ADAMTS20: variants seen among roughly 807,000 people sequenced by gnomAD.
ADAMTS20 encodes A disintegrin and metalloproteinase with thrombospondin motifs 20.
Under a neutral mutation model 260.1 loss-of-function variants are expected in ADAMTS20, and 225 were observed. The ratio of observed to expected loss-of-function variants is 0.87; its 90% CI spans 0.78 to 0.97. ADAMTS20 has a LOEUF of 0.97. ADAMTS20 is among the 50% of genes least tolerant of loss of function. The pLI is 0.00. For missense variants in ADAMTS20, 2,400 were observed against 2,337.7 expected, an observed-to-expected ratio of 1.03 and a Z score of -0.55; for synonymous variants, 802 against 769.5, an observed-to-expected ratio of 1.04 and a Z score of -0.70.
chr12:43,405,229 CAAAAAAA>C (rs869040570), intron 28 of ADAMTS20, among the ~76,000 whole-genome samples: 1,271 of 52,454 alleles, frequency 0.024, 2 homozygotes, highest in East Asian at 0.072. Context: ...CTCATCTCTA[CAAAAAAA>C]AAAAAAAAAA....
chr12:43,387,795 C>A (rs1429260963), intron 29 of ADAMTS20, among the ~76,000 whole-genome samples: 1 of 152,174 alleles, frequency 6.6e-6, no homozygotes, highest in African/African-American at 2.4e-5. Flanking sequence ...TGGGCTCCAT[C>A]CTATTTGAAC....
intron 2 of ADAMTS20, among the ~76,000 whole-genome samples, chr12:43,534,323 G>A (rs957928459): frequency 3.3e-5 from 5 of 152,006 alleles, no homozygotes; most frequent in African/African-American, 9.7e-5. Context: ...CGAAGGACAT[G>A]AGCAGACACT....
chr12:43,465,614 C>T (rs917819386), intron 9 of ADAMTS20, among the ~76,000 whole-genome samples: 2 of 151,822 alleles, frequency 1.3e-5, no homozygotes. Flanking sequence ...TATAAATTTT[C>T]CAATTAAATG....
intron 29 of ADAMTS20, among the ~76,000 whole-genome samples, chr12:43,390,761 G>C (rs1381294483): frequency 6.6e-6 from 1 of 152,064 alleles, no homozygotes; most frequent in African/African-American, 2.4e-5. Flanking sequence ...AACTACTTAG[G>C]TATTCTCAAA....
chr12:43,404,478 G>A (rs1940874776), intron 28 of ADAMTS20, among the ~76,000 whole-genome samples: 1 of 151,708 alleles, frequency 6.6e-6, no homozygotes. Context: ...CCCTCAGCTG[G>A]CTATTTGAAA....
At chr12:43,490,907 T>A (rs554662788) in intron 6 of ADAMTS20, among the ~76,000 whole-genome samples, 1 of 152,152 alleles carries the variant, frequency 6.6e-6, no homozygotes, top group African/African-American at 2.4e-5. Flanking sequence ...CACCTCTTTC[T>A]CATAGCCCTT....
chr12:43,391,860 A>C (rs893431456), intron 29 of ADAMTS20, among the ~76,000 whole-genome samples: 1 of 152,156 alleles, frequency 6.6e-6, no homozygotes, highest in African/African-American at 2.4e-5. Flanking sequence ...TCCTCTCATA[A>C]ACTGTGTCAA....
At chr12:43,380,816 G>A (rs1004993912) in intron 31 of ADAMTS20, among the ~76,000 whole-genome samples, 1 of 152,088 alleles carries the variant, frequency 6.6e-6, no homozygotes, top group Non-Finnish European at 1.5e-5. Flanking sequence ...TATCTACCAA[G>A]TTGAACAAGA....
chr12:43,400,325 CAT>C (rs1940784890), intron 28 of ADAMTS20, among the ~76,000 whole-genome samples: 1 of 151,984 alleles, frequency 6.6e-6, no homozygotes, highest in South Asian at 2.1e-4. Context: ...ATTGTGAACT[CAT>C]AGAATATTAG....
At chr12:43,441,360 T>C (rs1023559550) in intron 16 of ADAMTS20, among the ~76,000 whole-genome samples, 5 of 151,780 alleles carry the variant, frequency 3.3e-5, no homozygotes, top group Non-Finnish European at 7.4e-5. Context: ...GACAATTATA[T>C]AGTATGTATT....
chr12:43,492,156 G>A (rs530426566), intron 6 of ADAMTS20, among the ~76,000 whole-genome samples: 201 of 152,230 alleles, frequency 1.3e-3, no homozygotes, highest in African/African-American at 4.6e-3. Context: ...CGAGGTGGGT[G>A]GATCACGAGG....
chr12:43,520,421 A>T lies in ADAMTS20; in HGVS notation c.613+11615T>A, dbSNP rs1475972774. On this transcript the variant is annotated intron_variant, in intron 3 of 38. Transcript: ENST00000389420. Reference sequence around the variant, plus strand: ...AAATGCTTAACTTAGGAGATGGGAAACCAGTAACAACCAAGAAGGGAAGTG... The same window carrying T: ...AAATGCTTAACTTAGGAGATGGGAATCCAGTAACAACCAAGAAGGGAAGTG... Among the ~76,000 whole-genome samples, 3 of 152,174 alleles carry T rather than the reference A, an allele frequency of 2.0e-5. No individual in the cohort carries two copies. In the East Asian group the frequency reaches 5.8e-4, roughly 29 times the overall value.
chr12:43,388,193 A>G (rs1480144005), intron 29 of ADAMTS20, among the ~76,000 whole-genome samples: 1 of 152,084 alleles, frequency 6.6e-6, no homozygotes, highest in African/African-American at 2.4e-5. Flanking sequence ...GGTGGGTTGC[A>G]AAGACCAGGG....
At chr12:43,435,824 G>A (rs1941544202) in intron 18 of ADAMTS20, among the ~76,000 whole-genome samples, 2 of 151,950 alleles carry the variant, frequency 1.3e-5, no homozygotes, top group Non-Finnish European at 1.5e-5. Flanking sequence ...TGGTTTGCAT[G>A]CAGGATAACT....
At position 43,430,444 on chromosome 12, in the gene ADAMTS20, G is replaced by A; in HGVS notation, c.3289C>T (p.Gln1097Ter). The change falls in exon 23 of 39, where the codon CAG (glutamine) becomes TAG (stop). Residue 1097 changes from glutamine (Q) to a stop codon, truncating the protein, a stop_gained. Transcript: ENST00000389420. LOFTEE classifies it high-confidence loss of function. ...PCTTTCGHGYQMRDVKCVNEL... is the reference protein window; with the variant it reads ...PCTTTCGHGY ...TTGACACATTTAACATCTCGCATCT[G>A]ATACCCATGTCCACATGTGGTTGTG... 6.2e-7 allele frequency: 1 copy of A among 1,612,680 alleles called. No homozygotes were observed. Among genetic ancestry groups the A allele is most frequent in the South Asian group, 1.1e-5 (1 of 90,934 alleles).
At chr12:43,356,462 T>A in intron 38 of ADAMTS20, 22 bp downstream of exon 38, 5 of 1,511,518 alleles carry the variant, frequency 3.3e-6, no homozygotes, top group Non-Finnish European at 4.5e-6. Flanking sequence ...TCAAACAGGC[T>A]TTTTGGTCCC....
intron 29 of ADAMTS20, among the ~76,000 whole-genome samples, chr12:43,387,187 T>C (rs890894984): frequency 6.6e-6 from 1 of 152,188 alleles, no homozygotes; most frequent in African/African-American, 2.4e-5. Flanking sequence ...GGACGTCCTT[T>C]TGTTGATGTT....
At chr12:43,376,700 A>T in intron 32 of ADAMTS20, 47 bp from the exon 33 acceptor site, 1 of 1,563,716 alleles carries the variant, frequency 6.4e-7, no homozygotes, top group Non-Finnish European at 8.6e-7. Context: ...ATGAATCTTA[A>T]GGCCATAAAA....
At chr12:43,544,363 T>C (rs1191696989) in intron 2 of ADAMTS20, among the ~76,000 whole-genome samples, 1 of 152,240 alleles carries the variant, frequency 6.6e-6, no homozygotes, top group Non-Finnish European at 1.5e-5. Flanking sequence ...AAAAGTTAGC[T>C]GCTTATCTTA....
Sources: allele counts gnomAD v4.1 joint callset (sites outside exome capture counted in the v4.1 genomes callset), GRCh38; gene constraint gnomAD v4.1.1; transcripts MANE v1.5; gene names NCBI Gene and HGNC (gene_info 2026-07-23, HGNC 2026-07-21).